Variants in AGAP3 observed in about 807,000 individuals in gnomAD.
AGAP3 encodes ArfGAP with GTPase domain, ankyrin repeat and PH domain 3.
Under a neutral mutation model 96.9 loss-of-function variants are expected in AGAP3, and 24 were observed. The observed-to-expected ratio is 0.25, with a 90% CI of 0.18 to 0.35. The LOEUF (loss-of-function observed/expected upper bound fraction) is 0.35, where lower values mean the gene tolerates loss of function less well. Ranked by LOEUF, AGAP3 falls within the 10% of genes least tolerant of loss-of-function variation. The pLI, the probability that AGAP3 is intolerant of heterozygous loss-of-function variation, is 1.00. For synonymous variants in AGAP3, 563 were observed against 536.1 expected, an observed-to-expected ratio of 1.05 and a Z score of -0.69; for missense variants, 876 against 1,254.2, an observed-to-expected ratio of 0.70 and a Z score of 4.55.
At position 151,140,852 on chromosome 7, in the gene AGAP3, T is replaced by G. The variant is rs1021355734; in HGVS notation, c.1804+736T>G. ...ACAAATGATCATGGAGATCACGTAG[T>G]TCGAAGGCTGTGGTTGAAAGCAAGG... On this transcript the variant is annotated intron_variant, in intron 13 of 17. Transcript: ENST00000397238. This position sits in a 1 kb window ranked among gnomAD's most constrained non-coding sequence, Gnocchi z 5.4. 4.6e-5 allele frequency: 7 copies of G among 152,184 alleles called. No individual in the cohort carries two copies. Among genetic ancestry groups the G allele is most frequent in the Admixed American group, 2.0e-4 (3 of 15,274 alleles). The allele number at this position is 152,184 out of a possible 1,614,324, so 9.4% of individuals were successfully genotyped here.
intron 10 of AGAP3, among the ~76,000 whole-genome samples, 157 bp downstream of exon 10, chr7:151,128,841 C>T (rs907199709): frequency 1.3e-5 from 2 of 152,202 alleles, no homozygotes; most frequent in African/African-American, 4.8e-5. Context: ...ACACTGGCAG[C>T]TTGGGACATG....
At chr7:151,115,588 C>CGCTGTGGG in intron 1 of AGAP3, 1 of 1,161,862 alleles carries the variant, frequency 8.6e-7, no homozygotes, top group Non-Finnish European at 1.1e-6. Context: ...CCCGCCGCGC[C>CGCTGTGGG]GCTGTGGGGC....
At chr7:151,120,719 C>A in intron 8 of AGAP3, 1 of 1,220,498 alleles carries the variant, frequency 8.2e-7, no homozygotes, top group Non-Finnish European at 1.0e-6. Context: ...CTGGGCTTCA[C>A]CACGCTGCCT....
At position 151,141,369 on chromosome 7, in the gene AGAP3, C is replaced by T. The variant is rs1195686457; in HGVS notation, c.1805-529C>T. The stretch of plus-strand genomic sequence containing the variant: ...TCCTCTCCCCCATCCACTTGCCCTT[C>T]CTGCCTGTCTATGCCATGGTAGTGG... On this transcript the variant is annotated intron_variant, in intron 13 of 17. Coordinates refer to ENST00000397238, the MANE Select transcript of AGAP3 (RefSeq NM_031946.7). This position sits in a 1 kb window ranked among gnomAD's most constrained non-coding sequence, Gnocchi z 4.2. The T allele has an allele frequency of 5.7e-6, 1 of 174,606 alleles. No individual in the cohort carries two copies. Among genetic ancestry groups the T allele is most frequent in the African/African-American group, 2.4e-5 (1 of 41,898 alleles). 10.8% of individuals were successfully genotyped at this position (174,606 alleles called of 1,614,324 possible).
chr7:151,115,203 G>A, intron 1 of AGAP3: 3 of 1,008,182 alleles, frequency 3.0e-6, no homozygotes, highest in Non-Finnish European at 3.5e-6. Context: ...GGCGCCGGGC[G>A]CGGGTCTGGG....
rs765046366 is a variant in AGAP3, at chr7:151,138,138, C to T, written c.1496-5C>T. 5.0e-6 allele frequency: 8 copies of T among 1,588,282 alleles called. No individual in the cohort carries two copies. Among genetic ancestry groups the T allele is most frequent in the Middle Eastern group, 1.7e-4 (1 of 6,006 alleles). ...CCTTCCCAGTCTGACCCTTCCCGCC[C>T]CCAGGTGCCCCCCACTCGGCCAGCA... is the stretch of plus-strand genomic sequence containing the variant. On this transcript the variant is annotated splice_region_variant and splice_polypyrimidine_tract_variant and intron_variant, in intron 11 of 17. Transcript: ENST00000397238.
chr7:151,123,106 C>A, intron 8 of AGAP3: 1 of 1,141,088 alleles, frequency 8.8e-7, no homozygotes. Context: ...CCGCCCGGCC[C>A]GGCTGCTCCT....
intron 8 of AGAP3, chr7:151,120,975 A>C: frequency 1.9e-6 from 1 of 532,006 alleles, no homozygotes; most frequent in Non-Finnish European, 2.5e-6. Flanking sequence ...AGGTGGGTGA[A>C]CCCCCGTGTG....
At chr7:151,123,241 CCT>C (rs1442544275) in intron 8 of AGAP3, 1 of 1,068,588 alleles carries the variant, frequency 9.4e-7, no homozygotes, top group Non-Finnish European at 1.1e-6. Flanking sequence ...TTGGCCTCCC[CCT>C]ATTTCCTAGG....
rs200487266 is a variant in AGAP3, at chr7:151,142,269, G to T, written c.2050+16G>T. ...GATGCACCCAGTGAGTGCAAGGCTGGTGGGGCTGGGAGCTGGGGATGGCCC... is the reference window on the plus strand; with the variant it reads ...GATGCACCCAGTGAGTGCAAGGCTGTTGGGGCTGGGAGCTGGGGATGGCCC... On this transcript the variant is annotated intron_variant, in intron 15 of 17. Transcript: ENST00000397238. The surrounding 1 kb of genome is among the most constrained non-coding windows in gnomAD (Gnocchi z 7.5). 3.9e-4 allele frequency: 632 copies of T among 1,611,530 alleles called. 2 individuals are homozygous for T. In the African/African-American group the frequency reaches 6.7e-3, roughly 17 times the overall value.
chr7:151,115,331 G>T, intron 1 of AGAP3: 2 of 1,015,032 alleles, frequency 2.0e-6, no homozygotes, highest in Non-Finnish European at 2.4e-6. Flanking sequence ...CGGCGCTCAG[G>T]AAGAGCTTCA....
chr7:151,090,380 C>CTTTTT (rs66762542), intron 1 of AGAP3: 1 of 86,402 alleles, frequency 1.2e-5, no homozygotes, highest in Non-Finnish European at 2.2e-5. Flanking sequence ...CCCACTAGGG[C>CTTTTT]TTTTTTTTTT....
chr7:151,127,354 G>A (rs569297958), intron 9 of AGAP3, among the ~76,000 whole-genome samples: 2 of 152,118 alleles, frequency 1.3e-5, no homozygotes, highest in African/African-American at 4.8e-5. Context: ...CTCTCTGGGC[G>A]CCCCCTCCTC....
At chr7:151,111,157 G>A (rs943515182) in intron 1 of AGAP3, among the ~76,000 whole-genome samples, 7 of 152,196 alleles carry the variant, frequency 4.6e-5, no homozygotes, top group Non-Finnish European at 7.4e-5. Flanking sequence ...AGTGGCGGGT[G>A]TGTGGCCAGC....
At chr7:151,126,537 A>G (rs1201763727) in intron 9 of AGAP3, among the ~76,000 whole-genome samples, 1 of 73,470 alleles carries the variant, frequency 1.4e-5, no homozygotes, top group Non-Finnish European at 2.5e-5. Flanking sequence ...ACACTTGGTT[A>G]TTTCTTTGGT....
chr7:151,093,923 C>T (rs1029830387), intron 1 of AGAP3, among the ~76,000 whole-genome samples: 3 of 152,200 alleles, frequency 2.0e-5, no homozygotes, highest in African/African-American at 7.2e-5. Flanking sequence ...CCAGGCTTGG[C>T]TCCCTGGCCG....
intron 10 of AGAP3, among the ~76,000 whole-genome samples, chr7:151,129,132 C>A (rs10264785): frequency 6.6e-6 from 1 of 151,990 alleles, no homozygotes; most frequent in Non-Finnish European, 1.5e-5. Context: ...TTAGGAGGGT[C>A]TGGTGGCCAC....
chr7:151,142,475 G>A lies in AGAP3; in HGVS notation c.2114G>A (p.Arg705Gln). 1 of 1,613,926 alleles carries A rather than the reference G, an allele frequency of 6.2e-7. No individual in the cohort carries two copies. Reference protein sequence around the residue: ...LMCIECSGIHRHLGAHLSRVR... With the variant: ...LMCIECSGIHQHLGAHLSRVR... ...TGCATTGAGTGCTCAGGCATCCACCGACACCTGGGGGCTCACCTGTCCCGG... is the reference window on the plus strand; with the variant it reads ...TGCATTGAGTGCTCAGGCATCCACCAACACCTGGGGGCTCACCTGTCCCGG... Residue 705 changes from arginine (R) to glutamine (Q), a missense_variant, in exon 16 of 18, where the codon CGA becomes CAA. By Grantham distance (43) the Arg-to-Gln change is conservative. Around this residue, in one of 8 missense-constraint regions of AGAP3, gnomAD observed 103 missense variants for 183.0 expected, o/e 0.56. Coordinates refer to ENST00000397238, the MANE Select transcript of AGAP3 (RefSeq NM_031946.7). This position sits in a 1 kb window ranked among gnomAD's most constrained non-coding sequence, Gnocchi z 7.5.
intron 1 of AGAP3, among the ~76,000 whole-genome samples, chr7:151,087,650 C>A (rs6945151): frequency 0.24 from 36,817 of 152,064 alleles, 4,806 homozygotes; most frequent in Admixed American, 0.38. Context: ...CAGGTCCATC[C>A]GCGCTTTGGC....
Sources: allele counts gnomAD v4.1 joint callset (sites outside exome capture counted in the v4.1 genomes callset), GRCh38; gene constraint gnomAD v4.1.1; regional missense constraint gnomAD v4.1.1; non-coding constraint Gnocchi (gnomAD v3.1); transcripts MANE v1.5; gene names NCBI Gene and HGNC (gene_info 2026-07-23, HGNC 2026-07-21).